Variants in RBFOX1 observed in about 807,000 individuals in gnomAD.
The protein encoded by RBFOX1 is RNA binding protein fox-1 homolog 1.
RBFOX1 carries 8 observed loss-of-function variants against 57.7 expected under a neutral mutation model. The observed-to-expected ratio is 0.14, with a 90% CI of 0.08 to 0.25. RBFOX1 has a LOEUF of 0.25. RBFOX1 is among the 10% of genes least tolerant of loss of function. RBFOX1 has a pLI of 1.00. For missense variants in RBFOX1, 611 were observed against 548.5 expected (o/e 1.11, Z -1.14); for synonymous variants, 326 against 222.4 (o/e 1.47, Z -4.15).
chr16:5,653,255 T>A (rs2049305363), intron 3 of RBFOX1, among the ~76,000 whole-genome samples: 1 of 151,624 alleles, frequency 6.6e-6, no homozygotes, highest in Non-Finnish European at 1.5e-5. Context: ...AGCCATGTGC[T>A]GGGCCTATAT....
rs900480100 is a variant in RBFOX1, at chr16:7,006,726, A to G, written c.-15-45331A>G. Among the ~76,000 whole-genome samples, 3 of 152,144 alleles carry G rather than the reference A, an allele frequency of 2.0e-5. No individual in the cohort carries two copies. The East Asian group carries it at 5.8e-4, about 29-fold the overall frequency. ...GTCTCCCAATGTGCTGGGATTACGG[A>G]CATGAGCCACCATGCCTGGCAATTA... On this transcript the variant is annotated intron_variant, in intron 3 of 15. Coordinates refer to ENST00000550418, the MANE Select transcript of RBFOX1 (RefSeq NM_018723.4).
intron 2 of RBFOX1, among the ~76,000 whole-genome samples, chr16:6,524,784 G>A (rs1006211122): frequency 3.9e-5 from 6 of 152,110 alleles, no homozygotes; most frequent in Non-Finnish European, 7.4e-5. Flanking sequence ...ATTCCTTGGT[G>A]TGTATTGTCA....
chr16:5,657,667 TTTC>T (rs2049485262), intron 3 of RBFOX1, among the ~76,000 whole-genome samples: 1 of 82,014 alleles, frequency 1.2e-5, no homozygotes, highest in African/African-American at 5.1e-5. Flanking sequence ...CTTTTCTTTC[TTTC>T]TTTTCTTTTC....
chr16:5,589,282 C>G (rs370288266), intron 2 of RBFOX1, among the ~76,000 whole-genome samples: 1 of 152,102 alleles, frequency 6.6e-6, no homozygotes, highest in African/African-American at 2.4e-5. Flanking sequence ...ATGGTTTGTA[C>G]AAGGAAGTGT....
intron 3 of RBFOX1, among the ~76,000 whole-genome samples, chr16:5,630,514 C>A (rs577332229): frequency 6.6e-6 from 1 of 152,010 alleles, no homozygotes; most frequent in Non-Finnish European, 1.5e-5. Context: ...CAGATGTGCC[C>A]CACCATCTGA....
intron 4 of RBFOX1, among the ~76,000 whole-genome samples, chr16:7,311,042 A>G (rs1054502563): frequency 1.3e-5 from 2 of 152,170 alleles, no homozygotes; most frequent in Middle Eastern, 3.2e-3. Context: ...CCCAATTTGC[A>G]AGGGGCAAGG....
At chr16:6,963,226 C>T (rs753368777) in intron 3 of RBFOX1, among the ~76,000 whole-genome samples, 1 of 152,046 alleles carries the variant, frequency 6.6e-6, no homozygotes, top group Non-Finnish European at 1.5e-5. Flanking sequence ...AAAGAGGTAG[C>T]ATCAAAAGCA....
chr16:6,537,664 T>G (rs2096753837), intron 2 of RBFOX1, among the ~76,000 whole-genome samples: 1 of 152,202 alleles, frequency 6.6e-6, no homozygotes, highest in Non-Finnish European at 1.5e-5. Context: ...TGGAGTTTTT[T>G]GCATCTTCAT....
intron 1 of RBFOX1, among the ~76,000 whole-genome samples, chr16:5,442,846 G>C (rs1405818936): frequency 6.6e-6 from 1 of 152,168 alleles, no homozygotes. Flanking sequence ...TGGAAATAAG[G>C]TCTTTGCAGA....
intron 3 of RBFOX1, among the ~76,000 whole-genome samples, chr16:7,033,078 G>A (rs2043224777): frequency 6.6e-6 from 1 of 152,198 alleles, no homozygotes; most frequent in Non-Finnish European, 1.5e-5. Context: ...AGAAAGGAAT[G>A]CCAACTCTCT....
At chr16:6,930,958 C>T (rs531246158) in intron 3 of RBFOX1, among the ~76,000 whole-genome samples, 17 of 151,930 alleles carry the variant, frequency 1.1e-4, no homozygotes, top group African/African-American at 3.4e-4. Context: ...TAGTATCCCA[C>T]CCCCCTACAC....
chr16:7,252,320 G>T (rs17561543), intron 4 of RBFOX1, among the ~76,000 whole-genome samples: 50,118 of 152,060 alleles, frequency 0.33, 9,188 homozygotes, highest in Middle Eastern at 0.46. Flanking sequence ...TAACTTATAA[G>T]GAAAGTGGAA....
intron 4 of RBFOX1, among the ~76,000 whole-genome samples, chr16:6,004,844 A>G (rs2060665519): frequency 6.6e-6 from 1 of 152,166 alleles, no homozygotes; most frequent in South Asian, 2.1e-4. Context: ...TGAGAAACGT[A>G]TTAGACCTTA....
intron 2 of RBFOX1, among the ~76,000 whole-genome samples, chr16:6,471,174 C>G (rs2095166290): frequency 6.6e-6 from 1 of 152,204 alleles, no homozygotes; most frequent in South Asian, 2.1e-4. Context: ...CATCTCTGCA[C>G]CTTTGCATAA....
At chr16:7,368,046 C>T (rs1428197348) in intron 4 of RBFOX1, among the ~76,000 whole-genome samples, 1 of 152,082 alleles carries the variant, frequency 6.6e-6, no homozygotes, top group Admixed American at 6.6e-5. Context: ...GATGGTGAAT[C>T]AGCTGAGGTC....
chr16:5,893,605 G>C (rs1011876509), intron 4 of RBFOX1, among the ~76,000 whole-genome samples: 1 of 152,090 alleles, frequency 6.6e-6, no homozygotes, highest in Non-Finnish European at 1.5e-5. Flanking sequence ...TCAGGGGTTC[G>C]AGACCAACCT....
chr16:6,558,444 C>T (rs182614567), intron 2 of RBFOX1, among the ~76,000 whole-genome samples: 2 of 152,138 alleles, frequency 1.3e-5, no homozygotes, highest in African/African-American at 4.8e-5. Context: ...ACATGGATTT[C>T]CTGACAGGAA....
At chr16:5,606,636 A>C (rs2151227687) in intron 3 of RBFOX1, among the ~76,000 whole-genome samples, 1 of 152,328 alleles carries the variant, frequency 6.6e-6, no homozygotes, top group South Asian at 2.1e-4. Flanking sequence ...TGAGGAGGAC[A>C]CAGGATGAAT....
chr16:5,527,640 G>C (rs1432393511), intron 2 of RBFOX1, among the ~76,000 whole-genome samples: 1 of 152,148 alleles, frequency 6.6e-6, no homozygotes, highest in Non-Finnish European at 1.5e-5. Flanking sequence ...CTTCCCATTG[G>C]AGGGCAGGGT....
Sources: gnomAD v4.1 joint callset for allele counts (sites outside exome capture counted in the v4.1 genomes callset) on GRCh38, gnomAD v4.1.1 for gene constraint, MANE v1.5 for transcripts, NCBI Gene and HGNC (gene_info 2026-07-23, HGNC 2026-07-21) for gene names.